TRIM8: variants seen among roughly 807,000 people sequenced by gnomAD.
TRIM8 encodes E3 ubiquitin-protein ligase TRIM8.
A neutral mutation model predicts 55.7 loss-of-function variants in TRIM8; 9 were observed. The observed-to-expected ratio is 0.16, with a 90% CI of 0.10 to 0.28. The LOEUF (loss-of-function observed/expected upper bound fraction) is 0.28. Ranked by LOEUF, TRIM8 falls within the 10% of genes least tolerant of loss-of-function variation. The pLI is 1.00. For missense variants in TRIM8, 556 were observed against 736.4 expected (o/e 0.76, Z 2.83); for synonymous variants, 335 against 333.3 (o/e 1.01, Z -0.06).
In TRIM8 at chr10:102,657,551, G is replaced by C; in HGVS notation, c.*197G>C. 1 of 687,082 alleles carries C rather than the reference G, an allele frequency of 1.5e-6. No homozygotes were observed. The highest frequency in any genetic ancestry group is 3.7e-5 in the Admixed American group (1 of 27,066). 42.6% of individuals were successfully genotyped at this position (687,082 alleles called of 1,614,324 possible). The stretch of plus-strand genomic sequence containing the variant: ...TTTTTTTATTATGAATCTCCTGGAC[G>C]CAGAGGTGACAGTGGGAGCTGGCCT... On this transcript the variant is annotated 3_prime_UTR_variant, in exon 6 of 6. Coordinates refer to ENST00000643721, the MANE Select transcript of TRIM8 (RefSeq NM_030912.3).
At chr10:102,648,680 T>C (rs1389054245) in intron 1 of TRIM8, among the ~76,000 whole-genome samples, 1 of 152,138 alleles carries the variant, frequency 6.6e-6, no homozygotes, top group Non-Finnish European at 1.5e-5. Context: ...CTGGCTCTAC[T>C]GGGGCTGGTG....
chr10:102,652,063 G>C (rs1444807195), intron 1 of TRIM8, among the ~76,000 whole-genome samples: 2 of 152,178 alleles, frequency 1.3e-5, no homozygotes, highest in Non-Finnish European at 2.9e-5. Flanking sequence ...TGTGCCTCTT[G>C]GTGCTTCTGG....
In TRIM8 at chr10:102,644,558, A is replaced by T; in HGVS notation, c.-60A>T. 1 of 1,541,998 alleles carries T rather than the reference A, an allele frequency of 6.5e-7. No homozygotes were observed. The highest frequency in any genetic ancestry group is 8.8e-7 in the Non-Finnish European group (1 of 1,137,810). Reference sequence around the variant, plus strand: ...CTCGGTGGGCCTACAGCGGCTCCGGACGGACCCCCGGGGCTGGGGAGTCGG... The same window carrying T: ...CTCGGTGGGCCTACAGCGGCTCCGGTCGGACCCCCGGGGCTGGGGAGTCGG... On this transcript the variant is annotated 5_prime_UTR_variant, in exon 1 of 6. Transcript: ENST00000643721.
chr10:102,657,492 G>T lies in TRIM8; in HGVS notation c.*138G>T. On this transcript the variant is annotated 3_prime_UTR_variant, in exon 6 of 6. Transcript: ENST00000643721. Reference sequence around the variant, plus strand: ...CCATTGCCCCAGGTCTTTTCCTTTTGGATTTTGTTTTGGTTTTGGCTTTGT... The same window carrying T: ...CCATTGCCCCAGGTCTTTTCCTTTTTGATTTTGTTTTGGTTTTGGCTTTGT... The T allele has an allele frequency of 2.6e-6, 3 of 1,162,106 alleles. No individual in the cohort carries two copies. Among genetic ancestry groups the T allele is most frequent in the East Asian group, 2.8e-5 (1 of 35,944 alleles). 72.0% of individuals were successfully genotyped at this position (1,162,106 alleles called of 1,614,324 possible). A position where few individuals can be genotyped will look rare whatever the true frequency, so the allele number is the denominator to read the frequency against.
At chr10:102,650,605 G>A (rs1426568959) in intron 1 of TRIM8, among the ~76,000 whole-genome samples, 1 of 152,218 alleles carries the variant, frequency 6.6e-6, no homozygotes, top group Non-Finnish European at 1.5e-5. Context: ...AGTGTACGCA[G>A]TCCAGGCCAT....
At position 102,656,604 on chromosome 10, in the gene TRIM8, T is replaced by C; in HGVS notation, c.1049-143T>C. The C allele has an allele frequency of 7.3e-7, 1 of 1,376,842 alleles. No individual in the cohort carries two copies. Among genetic ancestry groups the C allele is most frequent in the Non-Finnish European group, 9.8e-7 (1 of 1,019,514 alleles). 85.3% of individuals were successfully genotyped at this position (1,376,842 alleles called of 1,614,324 possible). On this transcript the variant is annotated intron_variant, in intron 5 of 5. Coordinates refer to ENST00000643721, the MANE Select transcript of TRIM8 (RefSeq NM_030912.3). This position sits in a 1 kb window ranked among gnomAD's most constrained non-coding sequence, Gnocchi z 4.6. ...GGGGATATAACTATTCTGTACCTCC[T>C]AATGGTAGAGGAGCAAGCATCACCT...
rs1273784819 is a variant in TRIM8 at position 102,644,626 on chromosome 10, G to A, written c.9G>A (p.Glu3=). 2 of 1,612,442 alleles carry A rather than the reference G, an allele frequency of 1.2e-6. No individual in the cohort carries two copies. Among genetic ancestry groups the A allele is most frequent in the African/African-American group, 2.7e-5 (2 of 74,910 alleles). The change falls in exon 1 of 6, where the codon GAG becomes GAA. Residue 3 remains glutamate (E), a synonymous_variant. Transcript: ENST00000643721. ...CCCTGCCCGCGGCCGCCATGGCGGA[G>A]AATTGGAAGAACTGCTTCGAGGAGG... MA[E]NWKNCFEEEL...
At chr10:102,645,573 G>A (rs1354422491) in intron 1 of TRIM8, 1 of 184,220 alleles carries the variant, frequency 5.4e-6, no homozygotes, top group African/African-American at 2.4e-5. Flanking sequence ...TGCTGTTTAT[G>A]TAATGAGTGT....
At chr10:102,647,407 G>T (rs953454653) in intron 1 of TRIM8, among the ~76,000 whole-genome samples, 2 of 152,174 alleles carry the variant, frequency 1.3e-5, no homozygotes, top group African/African-American at 4.8e-5. Context: ...CCCTCCCCAG[G>T]CCCCTGATTC....
chr10:102,652,804 C>CTT (rs11455358), intron 1 of TRIM8, among the ~76,000 whole-genome samples: 54 of 144,136 alleles, frequency 3.7e-4, no homozygotes, highest in East Asian at 6.1e-4. Flanking sequence ...CGATACTTAA[C>CTT]TTTTTTTTTT....
chr10:102,656,155 G>A lies in TRIM8; in HGVS notation c.932+18G>A, dbSNP rs778973507. ...ATGGACAGGTAAGCTGAGGGCCCTA[G>A]CCCTCCCGGGGGCACATCCTGGGGA... On this transcript the variant is annotated intron_variant, in intron 4 of 5. Transcript: ENST00000643721. The surrounding 1 kb of genome is among the most constrained non-coding windows in gnomAD (Gnocchi z 4.6). 7.4e-6 allele frequency: 12 copies of A among 1,614,116 alleles called. 1 individual carries two copies. The South Asian group carries it at 1.3e-4, about 18-fold the overall frequency.
In TRIM8 at chr10:102,645,058, G is replaced by A; in HGVS notation, c.441G>A (p.Gln147=). The A allele has an allele frequency of 6.3e-7, 1 of 1,589,016 alleles. No individual in the cohort carries two copies. Residue 147 remains glutamine, a synonymous_variant, in exon 1 of 6, where the codon CAG becomes CAA. Transcript: ENST00000643721. ...ACGTGCGGGCCTGGAGCTGCCCGCA[G>A]CACAACGCCTACCGCCTCTACCACT... is the stretch of plus-strand genomic sequence containing the variant. ...ADDVRAWSCP[Q]HNAYRLYHCE... is the part of the protein sequence containing the mutation.
chr10:102,656,336 C>T lies in TRIM8; in HGVS notation c.999C>T (p.Phe333=), dbSNP rs1257999596. 6.2e-7 allele frequency: 1 copy of T among 1,614,132 alleles called. No homozygotes were observed. The highest frequency in any genetic ancestry group is 1.7e-5 in the Admixed American group (1 of 60,022). ...TCGGCCACCTGAACTCCAAGCTCTT[C>T]CTGAACGAAGTGGCCAAGAAGGAGA... ...TKIGHLNSKL[F]LNEVAKKEKQ... Residue 333 remains phenylalanine (F), a synonymous_variant, in exon 5 of 6, where the codon TTC becomes TTT. Coordinates refer to ENST00000643721, the MANE Select transcript of TRIM8 (RefSeq NM_030912.3). This position sits in a 1 kb window ranked among gnomAD's most constrained non-coding sequence, Gnocchi z 4.6.
Position 102,658,087 on chromosome 10 carries a change from GAAATAAAA to G in TRIM8, c.*734_*741del, listed in dbSNP as rs1478065252. ...ATAATAATATTAATAATAATAAAGA[GAAATAAAA>G]TAATAAAATAAAAAACAATAGCACA... On this transcript the variant is annotated 3_prime_UTR_variant, in exon 6 of 6. Coordinates refer to ENST00000643721, the MANE Select transcript of TRIM8 (RefSeq NM_030912.3). The G allele has an allele frequency of 2.6e-5, 4 of 151,956 alleles. No individual in the cohort carries two copies. The highest frequency in any genetic ancestry group is 9.7e-5 in the African/African-American group (4 of 41,340). 9.4% of individuals were successfully genotyped at this position (151,956 alleles called of 1,614,324 possible). A position where few individuals can be genotyped will look rare whatever the true frequency, so the allele number is the denominator to read the frequency against.
intron 3 of TRIM8, 121 bp from the exon 4 acceptor site, chr10:102,655,985 G>A: frequency 6.9e-7 from 1 of 1,450,070 alleles, no homozygotes; most frequent in South Asian, 1.2e-5. Flanking sequence ...TTTCTGTCCA[G>A]AATGAGAGGA....
chr10:102,650,318 G>A (rs1381016959), intron 1 of TRIM8, among the ~76,000 whole-genome samples: 1 of 152,208 alleles, frequency 6.6e-6, no homozygotes, highest in Admixed American at 6.5e-5. Flanking sequence ...CTCAGGGTTC[G>A]CTGCTCCAGG....
At chr10:102,654,391 C>A in intron 1 of TRIM8, 1 of 342,666 alleles carries the variant, frequency 2.9e-6, no homozygotes, top group Non-Finnish European at 5.5e-6. Flanking sequence ...GAGCCGAGAT[C>A]GCACCACTGC....
rs879849727 is a variant in TRIM8 at position 102,647,241 on chromosome 10, CGTGTGTGT to C, written c.570+2056_570+2063del. Among the ~76,000 whole-genome samples the C allele has an allele frequency of 1.4e-4, 22 of 152,012 alleles. 1 individual carries two copies. The highest frequency in any genetic ancestry group is 2.4e-4 in the African/African-American group (10 of 41,406). ...CGCAGGGTGTGTGTGTGCGTGTGTGCGTGTGTGTGCGTGCGCGTGCATGCGCGTGCTTT... is the reference window on the plus strand; with the variant it reads ...CGCAGGGTGTGTGTGTGCGTGTGTGCGCGTGCGCGTGCATGCGCGTGCTTT... On this transcript the variant is annotated intron_variant, in intron 1 of 5. Coordinates refer to ENST00000643721, the MANE Select transcript of TRIM8 (RefSeq NM_030912.3).
In TRIM8 at chr10:102,656,513, C is replaced by G; in HGVS notation, c.1048+128C>G. 7.0e-7 allele frequency: 1 copy of G among 1,430,432 alleles called. No individual in the cohort carries two copies. The highest frequency in any genetic ancestry group is 9.3e-7 in the Non-Finnish European group (1 of 1,070,874). The allele number at this position is 1,430,432 out of a possible 1,614,324, so 88.6% of individuals were successfully genotyped here. The stretch of plus-strand genomic sequence containing the variant: ...CTGTCCTCATATCCAGGCTTTGCCA[C>G]TTGTAGCTGTGGGACAGTGGGTAAG... On this transcript the variant is annotated intron_variant, in intron 5 of 5. Coordinates refer to ENST00000643721, the MANE Select transcript of TRIM8 (RefSeq NM_030912.3). This position sits in a 1 kb window ranked among gnomAD's most constrained non-coding sequence, Gnocchi z 4.6.
Sources: gnomAD v4.1 joint callset for allele counts (sites outside exome capture counted in the v4.1 genomes callset) on GRCh38, gnomAD v4.1.1 for gene constraint, Gnocchi (gnomAD v3.1) non-coding constraint, MANE v1.5 for transcripts, NCBI Gene and HGNC (gene_info 2026-07-23, HGNC 2026-07-21) for gene names.